LGR5: variants seen among roughly 807,000 people sequenced by gnomAD.
The protein encoded by LGR5 is leucine-rich repeat-containing G protein-coupled receptor 5.
Under a neutral mutation model 76.7 loss-of-function variants are expected in LGR5, and 54 were observed. The observed-to-expected ratio is 0.70, with a 90% CI of 0.57 to 0.88. The LOEUF is 0.88. Ranked by LOEUF, LGR5 falls within the 40% of genes least tolerant of loss-of-function variation. The pLI is 0.00. For synonymous variants in LGR5, 406 were observed against 421.9 expected (o/e 0.96, Z 0.46); for missense variants, 1,078 against 1,073.3 (o/e 1.00, Z -0.06).
intron 3 of LGR5, among the ~76,000 whole-genome samples, chr12:71,532,099 AT>A (rs1482894058): frequency 2.0e-5 from 3 of 152,180 alleles, no homozygotes; most frequent in African/African-American, 7.2e-5. Context: ...CCAGTAATAT[AT>A]TATTTATTAA....
intron 14 of LGR5, among the ~76,000 whole-genome samples, chr12:71,578,294 G>T (rs994440495): frequency 3.3e-5 from 5 of 152,174 alleles, no homozygotes; most frequent in African/African-American, 1.2e-4. Flanking sequence ...AGGTCTGAAG[G>T]GCTTCCATTT....
Position 71,567,106 on chromosome 12 carries a change from C to A in LGR5, c.1070+194C>A. On this transcript the variant is annotated intron_variant, in intron 11 of 17. Transcript: ENST00000266674. ...ATCCTGGTAACAAATGGTAATGTAC[C>A]CTTTGTTTTCTAAGTCCCAAACAAG... 4 of 569,626 alleles carry A rather than the reference C, an allele frequency of 7.0e-6. No homozygotes were observed. The South Asian group carries it at 8.6e-5, about 12-fold the overall frequency. 35.3% of individuals were successfully genotyped at this position (569,626 alleles called of 1,614,324 possible).
rs560671835 is a variant in LGR5, at chr12:71,504,575, A to G, written c.213-39A>G. ...AACAGCTGGATTTCCTTGTGGTGGCATTTGCTGCTCCTCACACGCTGTCTG... is the reference window on the plus strand; with the variant it reads ...AACAGCTGGATTTCCTTGTGGTGGCGTTTGCTGCTCCTCACACGCTGTCTG... On this transcript the variant is annotated intron_variant, in intron 1 of 17. Coordinates refer to ENST00000266674, the MANE Select transcript of LGR5 (RefSeq NM_003667.4). 3.3e-6 allele frequency: 5 copies of G among 1,527,930 alleles called. No individual in the cohort carries two copies. In the African/African-American group the frequency reaches 5.5e-5, roughly 17 times the overall value. The allele number at this position is 1,527,930 out of a possible 1,614,324, so 94.6% of individuals were successfully genotyped here. A position where few individuals can be genotyped will look rare whatever the true frequency, so the allele number is the denominator to read the frequency against.
chr12:71,480,221 G>A (rs192953305), intron 1 of LGR5, among the ~76,000 whole-genome samples: 6 of 152,002 alleles, frequency 3.9e-5, no homozygotes, highest in Admixed American at 6.5e-5. Flanking sequence ...AAAATTACCC[G>A]GATGTGGTGG....
chr12:71,513,458 C>T (rs190825797), intron 2 of LGR5, among the ~76,000 whole-genome samples: 1 of 152,224 alleles, frequency 6.6e-6, no homozygotes, highest in East Asian at 1.9e-4. Flanking sequence ...TTCCTTTAAC[C>T]AGAGTAATAA....
chr12:71,510,161 T>C (rs1352200686), intron 2 of LGR5, among the ~76,000 whole-genome samples: 1 of 152,210 alleles, frequency 6.6e-6, no homozygotes, highest in Admixed American at 6.5e-5. Flanking sequence ...TTCATGCCCA[T>C]GAATAATCTT....
At chr12:71,558,893 G>A (rs1030541392) in intron 6 of LGR5, among the ~76,000 whole-genome samples, 1 of 152,168 alleles carries the variant, frequency 6.6e-6, no homozygotes, top group African/African-American at 2.4e-5. Context: ...AGAAACTAAT[G>A]ATTTGAGATA....
intron 12 of LGR5, among the ~76,000 whole-genome samples, 171 bp from the exon 13 acceptor site, chr12:71,572,679 G>A (rs1057433963): frequency 6.6e-6 from 1 of 152,184 alleles, no homozygotes; most frequent in Non-Finnish European, 1.5e-5. Context: ...ATACTTGAGT[G>A]TGTAAATGGT....
chr12:71,496,804 A>T (rs1278518336), intron 1 of LGR5, among the ~76,000 whole-genome samples: 1 of 152,228 alleles, frequency 6.6e-6, no homozygotes, highest in Non-Finnish European at 1.5e-5. Context: ...TCTAACAAAT[A>T]TAATGAGTGA....
chr12:71,507,517 A>G (rs1874914117), intron 2 of LGR5, among the ~76,000 whole-genome samples: 1 of 152,174 alleles, frequency 6.6e-6, no homozygotes, highest in Non-Finnish European at 1.5e-5. Flanking sequence ...CAGGTTATTA[A>G]TCTACGACTA....
At chr12:71,490,963 G>A (rs1369507590) in intron 1 of LGR5, among the ~76,000 whole-genome samples, 1 of 152,166 alleles carries the variant, frequency 6.6e-6, no homozygotes, top group Non-Finnish European at 1.5e-5. Flanking sequence ...CATGTCATGA[G>A]AGGGACCTGG....
At chr12:71,533,921 A>C (rs139256516) in intron 3 of LGR5, among the ~76,000 whole-genome samples, 248 of 152,344 alleles carry the variant, frequency 1.6e-3, no homozygotes, top group African/African-American at 5.2e-3. Context: ...CATATGCCTC[A>C]AGAGAATGCT....
intron 1 of LGR5, among the ~76,000 whole-genome samples, chr12:71,501,547 G>C (rs542953442): frequency 2.0e-5 from 3 of 152,296 alleles, no homozygotes; most frequent in Non-Finnish European, 4.4e-5. Flanking sequence ...CACCATTCTT[G>C]ATATGAAGGC....
intron 13 of LGR5, among the ~76,000 whole-genome samples, chr12:71,574,539 T>TAC (rs1482178241): frequency 6.6e-6 from 1 of 152,130 alleles, no homozygotes; most frequent in African/African-American, 2.4e-5. Flanking sequence ...ATCATCTCTC[T>TAC]ACCCATTCAT....
chr12:71,488,921 A>G (rs1282563806), intron 1 of LGR5, among the ~76,000 whole-genome samples: 1 of 152,196 alleles, frequency 6.6e-6, no homozygotes, highest in Non-Finnish European at 1.5e-5. Flanking sequence ...TGTCTAGTAA[A>G]GTGAGTTCCC....
At chr12:71,484,410 G>C (rs1873739986) in intron 1 of LGR5, among the ~76,000 whole-genome samples, 1 of 152,116 alleles carries the variant, frequency 6.6e-6, no homozygotes, top group African/African-American at 2.4e-5. Flanking sequence ...ATTAATATTT[G>C]AGCTTTTAAA....
intron 1 of LGR5, among the ~76,000 whole-genome samples, chr12:71,449,088 C>T (rs576214879): frequency 2.2e-4 from 33 of 152,320 alleles, no homozygotes; most frequent in East Asian, 1.2e-3. Context: ...CCAGGGGATA[C>T]GCTTCTCCTG....
At chr12:71,539,944 T>C (rs1876792842) in intron 4 of LGR5, among the ~76,000 whole-genome samples, 1 of 152,206 alleles carries the variant, frequency 6.6e-6, no homozygotes, top group African/African-American at 2.4e-5. Flanking sequence ...AGATTTTTTG[T>C]AATGTAATCA....
chr12:71,466,496 G>C (rs1315080097), intron 1 of LGR5, among the ~76,000 whole-genome samples: 1 of 152,160 alleles, frequency 6.6e-6, no homozygotes, highest in African/African-American at 2.4e-5. Flanking sequence ...ATGGGAAGAA[G>C]ATGAAGAAAT....
Sources: allele counts gnomAD v4.1 joint callset (sites outside exome capture counted in the v4.1 genomes callset), GRCh38; gene constraint gnomAD v4.1.1; transcripts MANE v1.5; gene names NCBI Gene and HGNC (gene_info 2026-07-23, HGNC 2026-07-21).